VPS13C: variants seen among roughly 807,000 people sequenced by gnomAD.
VPS13C encodes vacuolar protein sorting 13 homolog C.
Under a neutral mutation model 456.8 loss-of-function variants are expected in VPS13C, and 358 were observed. The observed-to-expected ratio is 0.78, with a 90% CI of 0.72 to 0.86. The LOEUF (loss-of-function observed/expected upper bound fraction) is 0.86, where lower values mean the gene tolerates loss of function less well. Among genes scored for constraint, VPS13C ranks in the 40% least tolerant of loss-of-function variants. The pLI is 0.00. For synonymous variants in VPS13C, 1,578 were observed against 1,486.7 expected (o/e 1.06, Z -1.41); for missense variants, 4,818 against 4,385.4 (o/e 1.10, Z -2.79).
intron 81 of VPS13C, chr15:61,865,576 ATGTGTGTATATG>A: frequency 1.4e-6 from 1 of 698,584 alleles, no homozygotes; most frequent in Non-Finnish European, 1.8e-6. Context: ...TTGCGTATAT[ATGTGTGTATATG>A]TGTGTGTATA....
chr15:61,982,651 T>G, intron 20 of VPS13C, 78 bp from the exon 21 acceptor site: 1 of 953,224 alleles, frequency 1.0e-6, no homozygotes, highest in South Asian at 1.6e-5. Flanking sequence ...TTCACCTCAA[T>G]TCTAAACAGC....
intron 66 of VPS13C, among the ~76,000 whole-genome samples, chr15:61,894,562 GA>G (rs201178336): frequency 4.9e-5 from 7 of 143,610 alleles, no homozygotes; most frequent in African/African-American, 7.7e-5. Flanking sequence ...TGGAAACCAA[GA>G]AAAAAAAAAG....
Position 61,867,783 on chromosome 15 carries a change from CT to C in VPS13C, c.10863+875del. On this transcript the variant is annotated intron_variant, in intron 81 of 84. Transcript: ENST00000644861. This position sits in a 1 kb window ranked among gnomAD's most constrained non-coding sequence, Gnocchi z 5.0. ...AAGTTTTTATTTGTAGTCAATCCCA[CT>C]ACTATGAAAAGTTCAGATGGAGGTG... is the stretch of plus-strand genomic sequence containing the variant. 9 of 1,498,880 alleles carry C rather than the reference CT, an allele frequency of 6.0e-6. No individual in the cohort carries two copies. Among genetic ancestry groups the C allele is most frequent in the Non-Finnish European group, 8.0e-6 (9 of 1,127,044 alleles). 92.8% of individuals were successfully genotyped at this position (1,498,880 alleles called of 1,614,324 possible).
intron 66 of VPS13C, among the ~76,000 whole-genome samples, chr15:61,902,217 TAACCTGCACA>T (rs1425648304): frequency 1.3e-5 from 2 of 150,526 alleles, no homozygotes; most frequent in Non-Finnish European, 3.0e-5. Context: ...CATATGTAAC[TAACCTGCACA>T]ATGTGCACAT....
chr15:62,057,304 T>G (rs1332722186), intron 1 of VPS13C, among the ~76,000 whole-genome samples: 1 of 152,230 alleles, frequency 6.6e-6, no homozygotes, highest in Non-Finnish European at 1.5e-5. Flanking sequence ...TTGTAAAACT[T>G]GTCAACATCA....
intron 47 of VPS13C, among the ~76,000 whole-genome samples, chr15:61,937,183 G>T (rs2044254998): frequency 6.6e-6 from 1 of 152,186 alleles, no homozygotes; most frequent in Non-Finnish European, 1.5e-5. Context: ...GTAAAAAGAT[G>T]CTCTCCTGCT....
intron 58 of VPS13C, 78 bp downstream of exon 58, chr15:61,919,211 T>A: frequency 1.4e-6 from 2 of 1,391,288 alleles, no homozygotes; most frequent in Non-Finnish European, 1.9e-6. Flanking sequence ...GAAGTTTTAC[T>A]GTATTCCTAT....
At chr15:61,904,724 C>A (rs1322796295) in intron 66 of VPS13C, among the ~76,000 whole-genome samples, 1 of 151,936 alleles carries the variant, frequency 6.6e-6, no homozygotes, top group Non-Finnish European at 1.5e-5. Flanking sequence ...GATATGGAAC[C>A]AACCTAAATG....
rs2044810441 is a variant in VPS13C, at chr15:61,951,932, G to A, written c.4348C>T (p.His1450Tyr). 1 of 1,613,668 alleles carries A rather than the reference G, an allele frequency of 6.2e-7. No homozygotes were observed. Among genetic ancestry groups the A allele is most frequent in the Non-Finnish European group, 8.5e-7 (1 of 1,179,792 alleles). The change falls in exon 39 of 85, where the codon CAT becomes TAT. Residue 1450 changes from histidine to tyrosine, a missense_variant. Physicochemically the swap from His to Tyr is moderately conservative, Grantham distance 83 (BLOSUM62 2). Transcript: ENST00000644861. The part of the protein sequence containing the change: ...KKSEKKGRPL[H>Y]ELNVLQLGME... ...CCAAGTTGCAGGACATTTAGCTCAT[G>A]TAAAGGCCTTCCTTTCTTTTCTGAT...
chr15:61,932,538 AC>A (rs1258579345), intron 49 of VPS13C, among the ~76,000 whole-genome samples: 1 of 151,450 alleles, frequency 6.6e-6, no homozygotes, highest in African/African-American at 2.4e-5. Flanking sequence ...AAAAAAAAAA[AC>A]CCCAGCCAAT....
chr15:62,017,116 G>A (rs934017576), intron 9 of VPS13C, among the ~76,000 whole-genome samples: 11 of 152,072 alleles, frequency 7.2e-5, no homozygotes, highest in Admixed American at 3.9e-4. Context: ...CATATCCTTC[G>A]CACACTTGTT....
At chr15:61,903,191 C>T (rs1249083690) in intron 66 of VPS13C, among the ~76,000 whole-genome samples, 3 of 151,468 alleles carry the variant, frequency 2.0e-5, no homozygotes, top group South Asian at 4.2e-4. Context: ...AAAACAAAAA[C>T]GCTGGGCTTG....
At chr15:62,042,528 A>G (rs2048274667) in intron 2 of VPS13C, among the ~76,000 whole-genome samples, 1 of 147,886 alleles carries the variant, frequency 6.8e-6, no homozygotes, top group African/African-American at 2.5e-5. Context: ...TTTTAGACCA[A>G]AAAAAAAAAG....
chr15:62,006,185 T>C (rs1027631176), intron 15 of VPS13C, among the ~76,000 whole-genome samples: 1 of 152,024 alleles, frequency 6.6e-6, no homozygotes, highest in Non-Finnish European at 1.5e-5. Context: ...ACATGTGCCA[T>C]GTTGGTGTGC....
intron 76 of VPS13C, among the ~76,000 whole-genome samples, chr15:61,875,386 T>A (rs1474871973): frequency 6.6e-6 from 1 of 151,994 alleles, no homozygotes; most frequent in African/African-American, 2.4e-5. Context: ...TGGAGGGGAA[T>A]AGGTTAGATG....
At chr15:62,043,562 T>C (rs2048307915) in intron 2 of VPS13C, among the ~76,000 whole-genome samples, 1 of 152,090 alleles carries the variant, frequency 6.6e-6, no homozygotes, top group South Asian at 2.1e-4. Flanking sequence ...GCCAAGATCA[T>C]GCCACTGCAC....
intron 1 of VPS13C, 136 bp downstream of exon 1, chr15:62,060,139 G>A (rs958198967): frequency 5.6e-5 from 24 of 430,894 alleles, no homozygotes; most frequent in Non-Finnish European, 9.3e-5. Context: ...AGAGGCTCCC[G>A]CATCTAGCAC....
chr15:61,871,357 C>T (rs1895015989), intron 79 of VPS13C, among the ~76,000 whole-genome samples: 1 of 152,080 alleles, frequency 6.6e-6, no homozygotes, highest in South Asian at 2.1e-4. Flanking sequence ...ACGGTTCTTT[C>T]CTATTGAATT....
At chr15:61,979,403 C>A (rs746316123) in intron 22 of VPS13C, among the ~76,000 whole-genome samples, 28 of 152,090 alleles carry the variant, frequency 1.8e-4, no homozygotes, top group Non-Finnish European at 2.9e-4. Context: ...ATGGCCCCCC[C>A]ATAATAGCAA....
Sources: gnomAD v4.1 joint callset for allele counts (sites outside exome capture counted in the v4.1 genomes callset) on GRCh38, gnomAD v4.1.1 for gene constraint, Gnocchi (gnomAD v3.1) non-coding constraint, MANE v1.5 for transcripts, NCBI Gene and HGNC (gene_info 2026-07-23, HGNC 2026-07-21) for gene names.